RELN: variants seen among roughly 807,000 people sequenced by gnomAD.
RELN encodes the protein reelin.
RELN carries 108 observed loss-of-function variants against 427.6 expected under a neutral mutation model. The ratio of observed to expected loss-of-function variants is 0.25; its 90% CI spans 0.22 to 0.30. The LOEUF is 0.30. Among genes scored for constraint, RELN ranks in the 10% least tolerant of loss-of-function variants. RELN has a pLI of 1.00. For synonymous variants in RELN, 1,524 were observed against 1,513.4 expected (o/e 1.01, Z -0.16); for missense variants, 3,715 against 4,302.8 (o/e 0.86, Z 3.82).
At chr7:103,486,523 G>A in intron 60 of RELN, 107 bp from the exon 61 acceptor site, 1 of 860,876 alleles carries the variant, frequency 1.2e-6, no homozygotes, top group Non-Finnish European at 1.9e-6. Flanking sequence ...CTGTAAGAAT[G>A]GCAAAATACA....
intron 63 of RELN, 95 bp from the exon 64 acceptor site, chr7:103,478,489 T>G (rs1473757043): frequency 1.4e-6 from 1 of 708,100 alleles, no homozygotes; most frequent in Admixed American, 2.0e-5. Context: ...CATAAAAGTC[T>G]GATCAGGTTT....
At chr7:103,591,187 T>C (rs1165728484) in intron 27 of RELN, among the ~76,000 whole-genome samples, 2 of 152,258 alleles carry the variant, frequency 1.3e-5, no homozygotes, top group African/African-American at 4.8e-5. Context: ...ATGAATGGCT[T>C]ATTTACATCT....
chr7:103,712,014 C>T (rs1190921919), intron 8 of RELN, among the ~76,000 whole-genome samples: 1 of 152,060 alleles, frequency 6.6e-6, no homozygotes, highest in East Asian at 1.9e-4. Context: ...CCCTCATAGA[C>T]CTCATTAAAC....
chr7:103,749,923 T>G (rs1454584010), intron 5 of RELN, among the ~76,000 whole-genome samples: 1 of 152,102 alleles, frequency 6.6e-6, no homozygotes. Flanking sequence ...AATTGAATCA[T>G]GGGGGCAAGT....
rs889439728 is a variant in RELN at position 103,603,771 on chromosome 7, AGT to A, written c.3147-283_3147-282del. 2.0e-5 allele frequency among the ~76,000 whole-genome samples: 3 copies of A among 152,110 alleles called. No homozygotes were observed. Among genetic ancestry groups the A allele is most frequent in the Non-Finnish European group, 4.4e-5 (3 of 68,008 alleles). On this transcript the variant is annotated intron_variant, in intron 23 of 64. Transcript: ENST00000428762. This position sits in a 1 kb window ranked among gnomAD's most constrained non-coding sequence, Gnocchi z 4.3. The stretch of plus-strand genomic sequence containing the variant: ...GGACAGTGGTGTGTGTGCTTATGTG[AGT>A]GTGTGTTTGTGGGGGGCTGAGGGAT...
chr7:103,857,863 T>TG (rs1439021790), intron 2 of RELN, among the ~76,000 whole-genome samples: 1 of 152,080 alleles, frequency 6.6e-6, no homozygotes, highest in Non-Finnish European at 1.5e-5. Flanking sequence ...GGGAAGGAAT[T>TG]GGGGGAAAAA....
intron 11 of RELN, among the ~76,000 whole-genome samples, chr7:103,676,703 G>A (rs1367361623): frequency 6.6e-6 from 1 of 152,008 alleles, no homozygotes; most frequent in Non-Finnish European, 1.5e-5. Flanking sequence ...GGAATACTAT[G>A]CAGCCACAAA....
intron 28 of RELN, among the ~76,000 whole-genome samples, chr7:103,588,652 G>T (rs1584321669): frequency 6.6e-6 from 1 of 152,146 alleles, no homozygotes; most frequent in South Asian, 2.1e-4. Flanking sequence ...TATGAAAGCA[G>T]AAAATTGCTT....
chr7:103,739,601 G>A (rs1790588262), intron 6 of RELN, among the ~76,000 whole-genome samples: 2 of 152,348 alleles, frequency 1.3e-5, no homozygotes, highest in Non-Finnish European at 1.5e-5. Flanking sequence ...CCAGGGTAAA[G>A]TGCAGAAGCT....
rs76565991 is a variant in RELN at position 103,497,804 on chromosome 7, C to T, written c.8950+16G>A. 4,472 of 1,610,654 alleles carry T rather than the reference C, an allele frequency of 2.8e-3. 115 individuals are homozygous for T. The African/African-American group carries it at 0.052, about 19-fold the overall frequency. On this transcript the variant is annotated intron_variant, in intron 55 of 64. Transcript: ENST00000428762. ...GGAATCTGCTCCAAGGGGTGGTTTT[C>T]ACCCCTGACACATGCCTCCATCGGT...
chr7:103,938,813 G>A (rs919138410), intron 1 of RELN, among the ~76,000 whole-genome samples: 7 of 152,110 alleles, frequency 4.6e-5, no homozygotes, highest in South Asian at 4.1e-4. Flanking sequence ...CAGCTTTCGG[G>A]AGTAGATGAT....
intron 20 of RELN, among the ~76,000 whole-genome samples, chr7:103,613,546 G>A (rs56384750): frequency 0.14 from 21,280 of 152,186 alleles, 1,605 homozygotes; most frequent in Middle Eastern, 0.3. Flanking sequence ...TGTCTATACT[G>A]CTCCTAGGGT....
intron 4 of RELN, among the ~76,000 whole-genome samples, chr7:103,756,426 T>C (rs978556075): frequency 6.6e-6 from 1 of 152,224 alleles, no homozygotes; most frequent in Non-Finnish European, 1.5e-5. Flanking sequence ...AACTGTTCTC[T>C]GTGTTAAGTA....
intron 4 of RELN, among the ~76,000 whole-genome samples, chr7:103,768,605 G>A (rs1011814360): frequency 6.6e-6 from 1 of 152,156 alleles, no homozygotes; most frequent in Non-Finnish European, 1.5e-5. Flanking sequence ...ATTGTAAAAT[G>A]TTTAAGTTGA....
Position 103,956,529 on chromosome 7 carries a change from A to C in RELN, c.226+32602T>G, listed in dbSNP as rs182370533. Among the ~76,000 whole-genome samples the C allele has an allele frequency of 2.6e-4, 39 of 152,286 alleles. 1 individual carries two copies. Among genetic ancestry groups the C allele is most frequent in the Middle Eastern group, 3.4e-3 (1 of 294 alleles). On this transcript the variant is annotated intron_variant, in intron 1 of 64. Coordinates refer to ENST00000428762, the MANE Select transcript of RELN (RefSeq NM_005045.4). The stretch of plus-strand genomic sequence containing the variant: ...TAATACAAAAAAATCTTATGAGAAA[A>C]TCTCTCCTTTGGGCTAGTTTTCAAA...
intron 46 of RELN, among the ~76,000 whole-genome samples, chr7:103,524,707 C>G (rs544381097): frequency 1.3e-5 from 2 of 152,222 alleles, no homozygotes; most frequent in South Asian, 4.2e-4. Flanking sequence ...TTGCATTTTC[C>G]AAATGAAAAT....
At chr7:103,706,418 A>G (rs1307433234) in intron 8 of RELN, among the ~76,000 whole-genome samples, 1 of 152,180 alleles carries the variant, frequency 6.6e-6, no homozygotes, top group African/African-American at 2.4e-5. Context: ...AATTTCCAGC[A>G]ACTCAAGAGA....
chr7:103,786,912 C>G (rs1584492159), intron 3 of RELN, among the ~76,000 whole-genome samples: 1 of 152,238 alleles, frequency 6.6e-6, no homozygotes, highest in Non-Finnish European at 1.5e-5. Context: ...CTTCTCAGCA[C>G]CACATCACAC....
chr7:103,671,234 A>T (rs143573068), intron 11 of RELN, among the ~76,000 whole-genome samples: 93 of 152,286 alleles, frequency 6.1e-4, no homozygotes, highest in African/African-American at 2.2e-3. Flanking sequence ...TACCTCTAGC[A>T]GAACAGCTTA....
Sources: allele counts gnomAD v4.1 joint callset (sites outside exome capture counted in the v4.1 genomes callset), GRCh38; gene constraint gnomAD v4.1.1; non-coding constraint Gnocchi (gnomAD v3.1); transcripts MANE v1.5; gene names NCBI Gene and HGNC (gene_info 2026-07-23, HGNC 2026-07-21).